Variants in MAT1A observed in about 807,000 individuals in gnomAD.
The protein encoded by MAT1A is methionine adenosyltransferase 1A.
In MAT1A, 19 loss-of-function variants were observed where a neutral mutation model predicts 44.0. The observed-to-expected ratio is 0.43, with a 90% CI of 0.30 to 0.63. The LOEUF (loss-of-function observed/expected upper bound fraction) is 0.63. MAT1A is among the 30% of genes least tolerant of loss of function. MAT1A has a pLI of 0.12. For missense variants in MAT1A, 397 were observed against 531.0 expected (o/e 0.75, Z 2.48); for synonymous variants, 205 against 205.6 (o/e 1.00, Z 0.03).
chr10:80,289,411 C>T lies in MAT1A; in HGVS notation c.13G>A (p.Val5Met). The T allele has an allele frequency of 6.2e-7, 1 of 1,613,980 alleles. No homozygotes were observed. The highest frequency in any genetic ancestry group is 8.5e-7 in the Non-Finnish European group (1 of 1,179,810). ...AGAGAGTGGTCACACAAGCCATCCA[C>T]CGGTCCATTCATCTTCTCACACTTC... The part of the protein sequence containing the change: MNGP[V>M]DGLCDHSLSE... Residue 5 changes from valine to methionine, a missense_variant, in exon 1 of 9, where the codon GTG becomes ATG. Physicochemically the swap from Val to Met is conservative, Grantham distance 21. Transcript: ENST00000372213.
chr10:80,276,749 C>T (rs1841491594), intron 5 of MAT1A, among the ~76,000 whole-genome samples, 155 bp from the exon 6 acceptor site: 1 of 152,224 alleles, frequency 6.6e-6, no homozygotes, highest in Non-Finnish European at 1.5e-5. Context: ...TAATCTGACA[C>T]ATTCTTACGT....
At chr10:80,283,068 A>C (rs1034915781) in intron 3 of MAT1A, among the ~76,000 whole-genome samples, 15 of 152,242 alleles carry the variant, frequency 9.9e-5, no homozygotes, top group South Asian at 6.2e-4. Context: ...TTCTTTAAAA[A>C]TTAGAATTGC....
intron 3 of MAT1A, among the ~76,000 whole-genome samples, chr10:80,283,107 G>A (rs943612482): frequency 6.6e-6 from 1 of 152,214 alleles, no homozygotes; most frequent in Non-Finnish European, 1.5e-5. Flanking sequence ...AGACCAACGT[G>A]GAGACTCTAA....
intron 5 of MAT1A, among the ~76,000 whole-genome samples, chr10:80,277,287 G>A (rs1389884471): frequency 5.9e-5 from 9 of 152,182 alleles, no homozygotes; most frequent in Non-Finnish European, 1.3e-4. Flanking sequence ...TCCCATCCCA[G>A]GGCCTGGACA....
intron 3 of MAT1A, 60 bp from the exon 4 acceptor site, chr10:80,280,852 T>A (rs1841557766): frequency 3.3e-6 from 4 of 1,195,268 alleles, no homozygotes; most frequent in Non-Finnish European, 5.0e-6. Context: ...GGCCACAAAC[T>A]TCCCAATGGA....
rs1349831643 is a variant in MAT1A, at chr10:80,275,209, G to A, written c.769-10C>T. 3 of 1,610,332 alleles carry A rather than the reference G, an allele frequency of 1.9e-6. No individual in the cohort carries two copies. Among genetic ancestry groups the A allele is most frequent in the East Asian group, 4.5e-5 (2 of 44,864 alleles). On this transcript the variant is annotated splice_polypyrimidine_tract_variant and intron_variant, in intron 6 of 8. Transcript: ENST00000372213. The stretch of plus-strand genomic sequence containing the variant: ...TGACACCCGCATCCCCCTGCAGAGG[G>A]AGAGAAATCAAGATAAGAAGCAGAG...
At chr10:80,276,267 G>C (rs2095057476) in intron 6 of MAT1A, 109 bp downstream of exon 6, 1 of 1,104,602 alleles carries the variant, frequency 9.1e-7, no homozygotes, top group South Asian at 1.3e-5. Context: ...TCCATGGCCA[G>C]AGTCAGCTGA....
rs367639318 is a variant in MAT1A at position 80,289,488 on chromosome 10, GTTT to G, written c.-68_-66del. ...ATTTTGAGGCTGTGACTTTGCCTGA[GTTT>G]TTTTTTCTTCTTCTTCTTCTTCTTT... is the stretch of plus-strand genomic sequence containing the variant. On this transcript the variant is annotated 5_prime_UTR_variant, in exon 1 of 9. Transcript: ENST00000372213. 2 of 1,104,044 alleles carry G rather than the reference GTTT, an allele frequency of 1.8e-6. No individual in the cohort carries two copies. The highest frequency in any genetic ancestry group is 2.7e-6 in the Non-Finnish European group (2 of 751,448). The allele number at this position is 1,104,044 out of a possible 1,614,324, so 68.4% of individuals were successfully genotyped here.
intron 3 of MAT1A, among the ~76,000 whole-genome samples, chr10:80,281,591 G>T (rs1040277308): frequency 6.6e-6 from 1 of 151,746 alleles, no homozygotes; most frequent in Non-Finnish European, 1.5e-5. Context: ...ATACATGGAC[G>T]CCCCCACCAC....
At position 80,289,536 on chromosome 10, in the gene MAT1A, T is replaced by C; in HGVS notation, c.-113A>G. 1 of 811,250 alleles carries C rather than the reference T, an allele frequency of 1.2e-6. No homozygotes were observed. The highest frequency in any genetic ancestry group is 1.7e-5 in the African/African-American group (1 of 59,458). 50.3% of individuals were successfully genotyped at this position (811,250 alleles called of 1,614,324 possible). ...TTCTTTCAACCCAACAGGCTTGTCT[T>C]TGGCAGAGCCACGGGGATCACTTCT... On this transcript the variant is annotated 5_prime_UTR_variant, in exon 1 of 9. Coordinates refer to ENST00000372213, the MANE Select transcript of MAT1A (RefSeq NM_000429.3).
chr10:80,274,776 C>G, intron 7 of MAT1A, 123 bp from the exon 8 acceptor site: 1 of 1,382,772 alleles, frequency 7.2e-7, no homozygotes, highest in Non-Finnish European at 1.0e-6. Context: ...ACATGCTCCC[C>G]TGCAATTTTC....
intron 3 of MAT1A, among the ~76,000 whole-genome samples, chr10:80,282,849 T>C (rs888008939): frequency 6.6e-6 from 1 of 152,168 alleles, no homozygotes; most frequent in African/African-American, 2.4e-5. Context: ...CACAGGATGC[T>C]ACACATCACC....
intron 1 of MAT1A, 35 bp downstream of exon 1, chr10:80,289,298 A>T: frequency 1.3e-6 from 2 of 1,559,136 alleles, no homozygotes; most frequent in Non-Finnish European, 1.8e-6. Context: ...GCTTGGAATG[A>T]TCGTTTTCCA....
chr10:80,275,241 C>CCCTCCAGCAT, intron 6 of MAT1A, 42 bp from the exon 7 acceptor site: 1 of 1,562,758 alleles, frequency 6.4e-7, no homozygotes, highest in Non-Finnish European at 8.8e-7. Flanking sequence ...AGAGCCAGCC[C>CCCTCCAGCAT]CTAGATGCTG....
intron 3 of MAT1A, 67 bp from the exon 4 acceptor site, chr10:80,280,859 T>A: frequency 2.6e-6 from 3 of 1,136,558 alleles, no homozygotes; most frequent in Non-Finnish European, 2.7e-6. Flanking sequence ...AACTTCCCAA[T>A]GGATGGCTCG....
chr10:80,284,109 C>G, intron 2 of MAT1A, 71 bp from the exon 3 acceptor site: 1 of 1,581,090 alleles, frequency 6.3e-7, no homozygotes, highest in South Asian at 1.1e-5. Flanking sequence ...ATTCCCAGAC[C>G]TCTCACAGTG....
intron 3 of MAT1A, 150 bp downstream of exon 3, chr10:80,283,766 C>T: frequency 1.6e-6 from 2 of 1,231,466 alleles, no homozygotes; most frequent in South Asian, 2.5e-5. Context: ...GAGTCTTTGA[C>T]CCCTGGAACC....
Position 80,285,528 on chromosome 10 carries a change from A to T in MAT1A, c.153T>A (p.Asn51Lys), listed in dbSNP as rs766580389. ...GTTTCTTACCACAGGCCACCTTGGC[A>T]TTGGGGTCTTGCTTGAGATGGGCAT... ...VLDAHLKQDPNAKVACETVCK... is the reference protein window; with the variant it reads ...VLDAHLKQDPKAKVACETVCK... Residue 51 changes from asparagine (N) to lysine (K), a missense_variant, in exon 2 of 9, where the codon AAT becomes AAA. Coordinates refer to ENST00000372213, the MANE Select transcript of MAT1A (RefSeq NM_000429.3). 5.6e-6 allele frequency: 9 copies of T among 1,613,982 alleles called. No homozygotes were observed.
intron 2 of MAT1A, among the ~76,000 whole-genome samples, chr10:80,284,962 T>G (rs572059478): frequency 6.6e-6 from 1 of 152,366 alleles, no homozygotes; most frequent in South Asian, 2.1e-4. Context: ...AAGCCATTGA[T>G]TTATTGAAAA....
Sources: gnomAD v4.1 joint callset for allele counts (sites outside exome capture counted in the v4.1 genomes callset) on GRCh38, gnomAD v4.1.1 for gene constraint, MANE v1.5 for transcripts, NCBI Gene and HGNC (gene_info 2026-07-23, HGNC 2026-07-21) for gene names.